The following SRGAP2C variants were observed in gnomAD, a reference collection of about 807,000 sequenced individuals.
SRGAP2C encodes SLIT-ROBO Rho GTPase activating protein 2C.
In SRGAP2C, 15 loss-of-function variants were observed where a neutral mutation model predicts 25.1. That is an observed-to-expected ratio of 0.60 (90% CI 0.40 to 0.92). The LOEUF (loss-of-function observed/expected upper bound fraction) is 0.92, where lower values mean the gene tolerates loss of function less well. Among genes scored for constraint, SRGAP2C ranks in the 40% least tolerant of loss-of-function variants. SRGAP2C has a pLI of 0.00. For missense variants in SRGAP2C, 144 were observed against 264.4 expected (o/e 0.54, Z 3.16); for synonymous variants, 44 against 96.6 (o/e 0.46, Z 3.19).
intron 3 of SRGAP2C, among the ~76,000 whole-genome samples, chr1:121,305,084 G>T (rs1374854010): frequency 6.8e-6 from 1 of 147,994 alleles, no homozygotes; most frequent in Non-Finnish European, 1.5e-5. Flanking sequence ...GGCCAGCCCT[G>T]TCTCTAAGCA....
intron 4 of SRGAP2C, chr1:121,361,343 G>A (rs1659186884): frequency 7.2e-6 from 1 of 138,430 alleles, no homozygotes. Flanking sequence ...GATTTAAAGA[G>A]GTCTAAGGAA....
intron 2 of SRGAP2C, among the ~76,000 whole-genome samples, chr1:121,191,277 G>A (rs782539831): frequency 2.0e-5 from 3 of 152,202 alleles, no homozygotes; most frequent in Admixed American, 6.5e-5. Context: ...TGGTATTTAC[G>A]TATAACCTAT....
At chr1:121,295,971 G>C (rs1286474544) in intron 3 of SRGAP2C, among the ~76,000 whole-genome samples, 1 of 151,960 alleles carries the variant, frequency 6.6e-6, no homozygotes, top group Non-Finnish European at 1.5e-5. Context: ...ATGTTGGTCA[G>C]GTTGGTCTTG....
intron 2 of SRGAP2C, among the ~76,000 whole-genome samples, chr1:121,250,886 C>A (rs1184638844): frequency 7.4e-6 from 1 of 135,044 alleles, no homozygotes; most frequent in Non-Finnish European, 1.6e-5. Context: ...TATCTGGGTG[C>A]TGGTTGCATG....
chr1:121,222,175 C>T (rs1333557081), intron 2 of SRGAP2C, among the ~76,000 whole-genome samples: 5 of 152,106 alleles, frequency 3.3e-5, no homozygotes, highest in Non-Finnish European at 7.4e-5. Flanking sequence ...AACTAAGGCT[C>T]AGAAATTAAG....
rs1160916618 is a variant in SRGAP2C, at chr1:121,285,406, A to T, written c.260+411A>T. On this transcript the variant is annotated intron_variant, in intron 3 of 9. Transcript: ENST00000367123. ...CTTAATCTCTGTCTCTCTCTCTCTC[A>T]CACACACACACACACACACTCACAC... is the stretch of plus-strand genomic sequence containing the variant. 8.9e-3 allele frequency among the ~76,000 whole-genome samples: 1,270 copies of T among 142,172 alleles called. 8 individuals are homozygous for T. Among genetic ancestry groups the T allele is most frequent in the African/African-American group, 0.033 (1,197 of 36,394 alleles). 93.3% of individuals were successfully genotyped at this position (142,172 alleles called of 152,430 possible). A position where few individuals can be genotyped will look rare whatever the true frequency, so the allele number is the denominator to read the frequency against.
At position 121,392,365 on chromosome 1, in the gene SRGAP2C, T is replaced by C. The variant is rs1660123565; in HGVS notation, c.*4510T>C. ...CTCGCCTTCATTATCCCTTTCGCTG[T>C]TTCTCTTTCTCCCTTTCTCTTTTTT... On this transcript the variant is annotated 3_prime_UTR_variant, in exon 10 of 10. Coordinates refer to ENST00000367123, the MANE Select transcript of SRGAP2C (RefSeq NM_001329984.2). 1 of 152,194 alleles carries C rather than the reference T, an allele frequency of 6.6e-6. No homozygotes were observed. The highest frequency in any genetic ancestry group is 2.4e-5 in the African/African-American group (1 of 41,452). The allele number at this position is 152,194 out of a possible 1,614,324, so 9.4% of individuals were successfully genotyped here.
At chr1:121,292,176 C>A (rs1201875447) in intron 3 of SRGAP2C, among the ~76,000 whole-genome samples, 1 of 151,896 alleles carries the variant, frequency 6.6e-6, no homozygotes, top group Non-Finnish European at 1.5e-5. Context: ...CAGTGAATAC[C>A]TAAAGAGTCC....
chr1:121,266,419 T>A (rs1272894662), intron 2 of SRGAP2C, among the ~76,000 whole-genome samples: 1 of 151,896 alleles, frequency 6.6e-6, no homozygotes. Flanking sequence ...TAGATAATGA[T>A]GTTTATTAGC....
At chr1:121,267,825 C>G (rs1187691817) in intron 2 of SRGAP2C, among the ~76,000 whole-genome samples, 1 of 144,734 alleles carries the variant, frequency 6.9e-6, no homozygotes, top group Non-Finnish European at 1.5e-5. Context: ...TAATGCATCT[C>G]TCCTTTGATT....
intron 4 of SRGAP2C, among the ~76,000 whole-genome samples, chr1:121,338,953 GT>G (rs1226473686): frequency 3.4e-5 from 5 of 148,988 alleles, no homozygotes; most frequent in Non-Finnish European, 7.4e-5. Flanking sequence ...GTAGTAACGT[GT>G]TTTTTTCAAG....
Position 121,328,488 on chromosome 1 carries a change from T to C in SRGAP2C, c.423+3848T>C, listed in dbSNP as rs1553341848. ...GTGCCAGGTATCATGTTAAGCACTT[T>C]ATATGTATTATCTCCTTTAATCCTT... On this transcript the variant is annotated intron_variant, in intron 4 of 9. Transcript: ENST00000367123. Among the ~76,000 whole-genome samples, 435 of 152,246 alleles carry C rather than the reference T, an allele frequency of 2.9e-3. 2 individuals are homozygous for C. The highest frequency in any genetic ancestry group is 7.6e-3 in the Admixed American group (116 of 15,292).
rs1366531136 is a variant in SRGAP2C, at chr1:121,246,394, AT to A, written c.68-38404del. On this transcript the variant is annotated intron_variant, in intron 2 of 9. Transcript: ENST00000367123. ...TGAGAATCTCTAAACTGGGGCTCAGATTTTTCTTTCTGTCTCGAATATTTTA... is the reference window on the plus strand; with the variant it reads ...TGAGAATCTCTAAACTGGGGCTCAGATTTTCTTTCTGTCTCGAATATTTTA... Among the ~76,000 whole-genome samples, 5 of 77,328 alleles carry A rather than the reference AT, an allele frequency of 6.5e-5. No homozygotes were observed. In the East Asian group the frequency reaches 1.5e-3, roughly 23 times the overall value. 50.7% of individuals were successfully genotyped at this position (77,328 alleles called of 152,430 possible).
intron 2 of SRGAP2C, among the ~76,000 whole-genome samples, chr1:121,226,051 C>G (rs1418297782): frequency 6.6e-6 from 1 of 152,040 alleles, no homozygotes; most frequent in African/African-American, 2.4e-5. Context: ...GGTATTTCTT[C>G]AAAGAGGGCC....
chr1:121,295,737 G>A (rs1280082493), intron 3 of SRGAP2C, among the ~76,000 whole-genome samples: 27 of 132,116 alleles, frequency 2.0e-4, no homozygotes, highest in Admixed American at 1.1e-3. Flanking sequence ...TTTTGTTTTT[G>A]TTGTTGTTGT....
chr1:121,310,700 G>A (rs1313755797), intron 3 of SRGAP2C, among the ~76,000 whole-genome samples: 1 of 89,662 alleles, frequency 1.1e-5, no homozygotes, highest in South Asian at 3.2e-4. Context: ...CCCATTGCTT[G>A]TTTTTCTCAG....
chr1:121,392,010 G>A lies in SRGAP2C; in HGVS notation c.*4155G>A, dbSNP rs1261223704. ...TAAAAAGTAGGAATATCAGCAAAGA[G>A]ATAACAAATTCTGGAGTGGAAAACT... is the stretch of plus-strand genomic sequence containing the variant. On this transcript the variant is annotated 3_prime_UTR_variant, in exon 10 of 10. Transcript: ENST00000367123. 6.6e-6 allele frequency: 1 copy of A among 152,106 alleles called. No homozygotes were observed. The highest frequency in any genetic ancestry group is 6.5e-5 in the Admixed American group (1 of 15,276). The allele number at this position is 152,106 out of a possible 1,614,324, so 9.4% of individuals were successfully genotyped here.
intron 3 of SRGAP2C, among the ~76,000 whole-genome samples, chr1:121,287,807 G>T (rs1251130334): frequency 6.6e-6 from 1 of 152,082 alleles, no homozygotes; most frequent in Non-Finnish European, 1.5e-5. Flanking sequence ...GGTCTCGCTG[G>T]CTCAGGAGTG....
intron 2 of SRGAP2C, among the ~76,000 whole-genome samples, chr1:121,198,934 T>G (rs1175950787): frequency 6.6e-6 from 1 of 152,154 alleles, no homozygotes; most frequent in African/African-American, 2.4e-5. Flanking sequence ...CTGCCATGAT[T>G]TTAGAGATAA....
Sources: gnomAD v4.1 joint callset for allele counts (sites outside exome capture counted in the v4.1 genomes callset) on GRCh38, gnomAD v4.1.1 for gene constraint, MANE v1.5 for transcripts, NCBI Gene and HGNC (gene_info 2026-07-23, HGNC 2026-07-21) for gene names.